The following PTPRD variants were observed in gnomAD, a reference collection of about 807,000 sequenced individuals.
PTPRD encodes protein tyrosine phosphatase receptor type D, also known as receptor-type tyrosine-protein phosphatase delta.
PTPRD carries 34 observed loss-of-function variants against 214.5 expected under a neutral mutation model. That is an observed-to-expected ratio of 0.16 (90% CI 0.12 to 0.21). The LOEUF is 0.21. Among genes scored for constraint, PTPRD ranks in the 10% least tolerant of loss-of-function variants. The pLI is 1.00. For missense variants in PTPRD, 2,545 were observed against 2,398.7 expected (o/e 1.06, Z -1.27); for synonymous variants, 1,128 against 845.7 (o/e 1.33, Z -5.79).
chr9:10,501,905 C>T (rs979275869), intron 2 of PTPRD, among the ~76,000 whole-genome samples: 2 of 151,988 alleles, frequency 1.3e-5, no homozygotes, highest in East Asian at 1.9e-4. Context: ...CCCTTGTCTA[C>T]GATCCTATCC....
chr9:9,427,932 C>A lies in PTPRD; in HGVS notation c.-236-30450G>T, dbSNP rs576467789. ...AAGAAGCACTAAACGTGGAAAGGAA[C>A]AACCGTTACCAGCCACTGCAAAGAC... On this transcript the variant is annotated intron_variant, in intron 8 of 45. Transcript: ENST00000381196. 2.4e-3 allele frequency among the ~76,000 whole-genome samples: 366 copies of A among 152,310 alleles called. 3 individuals carry two copies. Among genetic ancestry groups the A allele is most frequent in the African/African-American group, 8.1e-3 (336 of 41,576 alleles).
chr9:8,331,339 G>A (rs1041373128), intron 44 of PTPRD, among the ~76,000 whole-genome samples: 18 of 151,960 alleles, frequency 1.2e-4, no homozygotes, highest in Non-Finnish European at 2.7e-4. Context: ...TGGTAATTTG[G>A]TTTGTCTAAT....
chr9:9,106,338 A>G (rs1369625703), intron 10 of PTPRD, among the ~76,000 whole-genome samples: 2 of 152,020 alleles, frequency 1.3e-5, no homozygotes, highest in Non-Finnish European at 2.9e-5. Flanking sequence ...ATAGGCATGT[A>G]CCATTTGTGT....
At chr9:9,385,780 T>C (rs2063686129) in intron 9 of PTPRD, among the ~76,000 whole-genome samples, 2 of 152,170 alleles carry the variant, frequency 1.3e-5, no homozygotes, top group South Asian at 4.1e-4. Context: ...TGAATGTCAC[T>C]TTTAAATTCC....
At chr9:9,617,086 T>C (rs1172505859) in intron 7 of PTPRD, among the ~76,000 whole-genome samples, 1 of 152,232 alleles carries the variant, frequency 6.6e-6, no homozygotes, top group Non-Finnish European at 1.5e-5. Context: ...TTAATATTGT[T>C]ATTCTTGTTA....
chr9:9,913,614 C>T (rs966935149), intron 5 of PTPRD, among the ~76,000 whole-genome samples: 4 of 152,140 alleles, frequency 2.6e-5, no homozygotes, highest in African/African-American at 4.8e-5. Context: ...ATCTCCCCAA[C>T]CCTGATCTAA....
At chr9:9,942,340 C>A (rs1750145867) in intron 4 of PTPRD, among the ~76,000 whole-genome samples, 1 of 152,118 alleles carries the variant, frequency 6.6e-6, no homozygotes, top group Non-Finnish European at 1.5e-5. Flanking sequence ...TCATCATCTT[C>A]ATTATTTTCA....
rs1411402045 is a variant in PTPRD, at chr9:8,315,136, G to A, written c.*2738C>T. On this transcript the variant is annotated 3_prime_UTR_variant, in exon 46 of 46. Coordinates refer to ENST00000381196, the MANE Select transcript of PTPRD (RefSeq NM_002839.4). ...AATGGCAGATAAAGATGGTTCACCT[G>A]GGAAATTAAAACTTGAATGGTTGTA... The A allele has an allele frequency of 1.1e-4, 25 of 232,548 alleles. No homozygotes were observed. The East Asian group carries it at 1.5e-3, about 14-fold the overall frequency. The allele number at this position is 232,548 out of a possible 1,614,324, so 14.4% of individuals were successfully genotyped here.
At chr9:10,572,023 T>C (rs1167797113) in intron 2 of PTPRD, among the ~76,000 whole-genome samples, 2 of 152,136 alleles carry the variant, frequency 1.3e-5, no homozygotes, top group Admixed American at 1.3e-4. Flanking sequence ...ATACTGTGCA[T>C]GCTTCCTAAT....
intron 11 of PTPRD, among the ~76,000 whole-genome samples, chr9:8,953,430 A>G (rs1039813555): frequency 6.6e-6 from 1 of 151,960 alleles, no homozygotes; most frequent in African/African-American, 2.4e-5. Flanking sequence ...CCTTCTTGAT[A>G]TCAGCCTTGG....
chr9:9,431,192 T>A (rs200362819), intron 8 of PTPRD, among the ~76,000 whole-genome samples: 1 of 151,966 alleles, frequency 6.6e-6, no homozygotes, highest in Admixed American at 6.6e-5. Context: ...ACAAAGAACT[T>A]AAACAAATTT....
intron 12 of PTPRD, among the ~76,000 whole-genome samples, chr9:8,728,763 T>A (rs1038626207): frequency 6.6e-6 from 1 of 152,048 alleles, no homozygotes; most frequent in African/African-American, 2.4e-5. Context: ...GTGGATGATT[T>A]GAGGTTCGAA....
At chr9:8,397,686 G>A (rs534041230) in intron 36 of PTPRD, among the ~76,000 whole-genome samples, 33 of 152,194 alleles carry the variant, frequency 2.2e-4, no homozygotes, top group African/African-American at 7.5e-4. Flanking sequence ...GCACTAGTGT[G>A]GTGGCAAATG....
At chr9:9,730,603 G>A (rs1338655548) in intron 7 of PTPRD, among the ~76,000 whole-genome samples, 1 of 152,074 alleles carries the variant, frequency 6.6e-6, no homozygotes, top group Non-Finnish European at 1.5e-5. Flanking sequence ...AAGAGCTCCA[G>A]ATCAGGGTTA....
At chr9:9,122,301 G>A (rs975822291) in intron 10 of PTPRD, among the ~76,000 whole-genome samples, 4 of 152,208 alleles carry the variant, frequency 2.6e-5, no homozygotes, top group Non-Finnish European at 5.9e-5. Flanking sequence ...AGGATCCTTT[G>A]CCTTTTAAAA....
At chr9:10,069,632 C>T (rs1412965731) in intron 3 of PTPRD, among the ~76,000 whole-genome samples, 1 of 151,884 alleles carries the variant, frequency 6.6e-6, no homozygotes, top group Non-Finnish European at 1.5e-5. Flanking sequence ...CATAATTAGC[C>T]ACTGAGACTT....
intron 10 of PTPRD, among the ~76,000 whole-genome samples, chr9:9,088,607 A>AAAAAAAAAAAAAAAG (rs1569536884): frequency 3.4e-5 from 5 of 148,576 alleles, no homozygotes; most frequent in Admixed American, 1.3e-4. Context: ...AAAAAAAAAA[A>AAAAAAAAAAAAAAAG]AAGAAGTCTG....
rs2053271672 is a variant in PTPRD at position 9,355,191 on chromosome 9, G to C, written c.-203+42258C>G. 7.3e-5 allele frequency among the ~76,000 whole-genome samples: 11 copies of C among 151,440 alleles called. No homozygotes were observed. The Admixed American group carries it at 7.3e-4, about 10-fold the overall frequency. ...ATCTATCATCTTCAAAAGGTTTTTG[G>C]GTCCTTTATTTTCTGGTTTTTATAT... On this transcript the variant is annotated intron_variant, in intron 9 of 45. Coordinates refer to ENST00000381196, the MANE Select transcript of PTPRD (RefSeq NM_002839.4).
chr9:10,015,399 T>C (rs1332300459), intron 4 of PTPRD, among the ~76,000 whole-genome samples: 2 of 126,418 alleles, frequency 1.6e-5, no homozygotes, highest in Admixed American at 7.9e-5. Flanking sequence ...AAAGTCAATG[T>C]GTCTATGTGA....
Sources: allele counts gnomAD v4.1 joint callset (sites outside exome capture counted in the v4.1 genomes callset), GRCh38; gene constraint gnomAD v4.1.1; transcripts MANE v1.5; gene names NCBI Gene and HGNC (gene_info 2026-07-23, HGNC 2026-07-21).